Variants in BCOR observed in about 807,000 individuals in gnomAD.
BCOR encodes the protein BCL-6 corepressor.
In BCOR, 10 loss-of-function variants were observed where a neutral mutation model predicts 86.7. That is an observed-to-expected ratio of 0.12 (90% confidence interval 0.07 to 0.20). The LOEUF (loss-of-function observed/expected upper bound fraction) is 0.20, where lower values mean the gene tolerates loss of function less well. BCOR is among the 10% of genes least tolerant of loss of function. The pLI, the probability that BCOR is intolerant of heterozygous loss-of-function variation, is 1.00. For missense variants in BCOR, 1,259 were observed against 1,452.1 expected, an observed-to-expected ratio of 0.87 and a Z score of 2.16; for synonymous variants, 611 against 609.0, an observed-to-expected ratio of 1.00 and a Z score of -0.05.
upstream of BCOR, among the ~76,000 whole-genome samples, chrX:40,102,449 G>A (rs751976400): frequency 1.8e-4 from 21 of 113,928 alleles, no homozygotes; most frequent in South Asian, 6.3e-3. Flanking sequence ...AAGGGCTTAA[G>A]AGCCCTCGAC....
At chrX:40,145,898 G>A (rs959416108) in intron 1 of BCOR, among the ~76,000 whole-genome samples, 1 of 111,694 alleles carries the variant, frequency 9.0e-6, no homozygotes, top group African/African-American at 3.3e-5. Flanking sequence ...TGGCTCCGGG[G>A]TCACCTCGAC....
chrX:40,111,859 T>G (rs1447617851), intron 1 of BCOR, among the ~76,000 whole-genome samples: 1 of 111,548 alleles, frequency 9.0e-6, no homozygotes, highest in Non-Finnish European at 1.9e-5. Context: ...ATGAAACTTA[T>G]CAATATATCT....
chrX:40,110,644 C>CT (rs1569182561), intron 1 of BCOR, among the ~76,000 whole-genome samples: 3 of 43,233 alleles, frequency 6.9e-5, no homozygotes, highest in Admixed American at 2.9e-4. Context: ...CTTTTCTTTT[C>CT]TTTTTTTTCT....
At chrX:40,135,219 T>G (rs1367736740) in intron 1 of BCOR, among the ~76,000 whole-genome samples, 1 of 110,847 alleles carries the variant, frequency 9.0e-6, no homozygotes, top group Non-Finnish European at 1.9e-5. Flanking sequence ...TAGCTTTTAG[T>G]CACACCTCCT....
At chrX:40,135,148 T>C (rs1291626295) in intron 1 of BCOR, among the ~76,000 whole-genome samples, 2 of 111,654 alleles carry the variant, frequency 1.8e-5, no homozygotes, top group African/African-American at 3.3e-5. Context: ...GGCCAGCTCA[T>C]ATACCTTCAT....
At chrX:40,154,982 G>GCA (rs1308004921) in intron 1 of BCOR, among the ~76,000 whole-genome samples, 1 of 111,071 alleles carries the variant, frequency 9.0e-6, no homozygotes, top group African/African-American at 3.3e-5. Context: ...ACACACGCAC[G>GCA]CGCGCGCGCG....
In BCOR at chrX:40,074,203, G is replaced by C; in HGVS notation, c.1143C>G (p.Ser381Arg). Residue 381 changes from serine to arginine, a missense_variant, in exon 4 of 15, where the codon AGC becomes AGG. Physicochemically the swap from Ser to Arg is moderately radical, Grantham distance 110. Transcript: ENST00000378444. ...TGGAGAGCCTGGCCGCGGGGAACTC[G>C]CTGCTAACTGTCATGTATGGCTTTG... ...ALSKPYMTVS[S>R]EFPAARLSNG... 1 of 1,212,135 alleles carries C rather than the reference G, an allele frequency of 8.2e-7. No homozygotes were observed.
intron 6 of BCOR, among the ~76,000 whole-genome samples, chrX:40,066,881 C>T (rs1170903757): frequency 9.4e-6 from 1 of 106,890 alleles, no homozygotes; most frequent in Non-Finnish European, 1.9e-5. Flanking sequence ...GGGGCCCCAC[C>T]CAGAACGAAC....
intron 1 of BCOR, among the ~76,000 whole-genome samples, chrX:40,170,820 A>G (rs1015275972): frequency 2.0e-4 from 23 of 112,277 alleles, no homozygotes; most frequent in African/African-American, 6.8e-4. Context: ...GGTTCCCTTT[A>G]TCTCGAACAT....
chrX:40,135,429 G>A (rs1409027120), intron 1 of BCOR, among the ~76,000 whole-genome samples: 30 of 102,345 alleles, frequency 2.9e-4, no homozygotes, highest in South Asian at 1.3e-3. Flanking sequence ...TCATTCTTTC[G>A]CCCAGGCTGA....
chrX:40,110,352 A>T (rs1937279275), intron 1 of BCOR, among the ~76,000 whole-genome samples: 1 of 111,802 alleles, frequency 8.9e-6, no homozygotes, highest in Non-Finnish European at 1.9e-5. Flanking sequence ...GTCTTTGATT[A>T]AATATACAAT....
chrX:40,059,032 C>A (rs769420828), intron 10 of BCOR, among the ~76,000 whole-genome samples: 1 of 112,062 alleles, frequency 8.9e-6, no homozygotes, highest in East Asian at 2.8e-4. Flanking sequence ...GTCCTATCAA[C>A]CCAGGGTTTA....
Position 40,063,640 on chromosome X carries a change from T to A in BCOR, c.3815A>T (p.Glu1272Val). ...ATTGTCACTGGGTTTAAGAGACTCT[T>A]CCGACCAGCTTCTGTTGCCTTTGGC... ...AEAKGNRSWS[E>V]ESLKPSDNEQ... Residue 1272 changes from glutamate to valine, a missense_variant, in exon 8 of 15, where the codon GAA (glutamate) becomes GTA (valine). By Grantham distance (121) the Glu-to-Val change is moderately radical. Transcript: ENST00000378444. The A allele has an allele frequency of 8.3e-7, 1 of 1,211,699 alleles. No individual in the cohort carries two copies. The highest frequency in any genetic ancestry group is 1.1e-6 in the Non-Finnish European group (1 of 895,363).
chrX:40,063,458 A>C, intron 8 of BCOR, 150 bp downstream of exon 8: 1 of 512,808 alleles, frequency 2.0e-6, no homozygotes, highest in East Asian at 3.3e-5. Context: ...ACGGGCAAGG[A>C]CATCAAGAGA....
chrX:40,068,423 C>T (rs1935307340), intron 6 of BCOR, among the ~76,000 whole-genome samples: 1 of 112,108 alleles, frequency 8.9e-6, no homozygotes, highest in Non-Finnish European at 1.9e-5. Flanking sequence ...TACATAGGGG[C>T]TGCTGTCCTG....
chrX:40,168,061 G>A (rs756362939), intron 1 of BCOR, among the ~76,000 whole-genome samples: 1 of 112,580 alleles, frequency 8.9e-6, no homozygotes, highest in Non-Finnish European at 1.9e-5. Flanking sequence ...TGGCGGCGGC[G>A]GGGCTTTGTC....
At chrX:40,128,055 T>C (rs965491080) in intron 1 of BCOR, among the ~76,000 whole-genome samples, 2 of 105,631 alleles carry the variant, frequency 1.9e-5, no homozygotes, top group African/African-American at 7.0e-5. Context: ...TGAAACCCCA[T>C]CTCTACTAAA....
chrX:40,054,139 T>C, intron 13 of BCOR, 97 bp from the exon 14 acceptor site: 7 of 1,114,379 alleles, frequency 6.3e-6, no homozygotes, highest in Non-Finnish European at 7.4e-6. Context: ...ACAAGATTCT[T>C]TCCCAAGTGA....
Position 40,075,061 on chromosome X carries a change from T to G in BCOR, c.285A>C (p.Gly95=), listed in dbSNP as rs143135906. 1.9e-5 allele frequency: 23 copies of G among 1,203,508 alleles called. No homozygotes were observed. Among genetic ancestry groups the G allele is most frequent in the Non-Finnish European group, 2.4e-5 (21 of 891,526 alleles). The change falls in exon 4 of 15, where the codon GGA becomes GGC. Residue 95 remains glycine (G), a synonymous_variant. Transcript: ENST00000378444. ...PGNIVYSSLC[G]LGSEKGREAA... ...CCTCCCGACCTTTCTCTGAGCCCAG[T>G]CCACACAAGCTAGAATAGACGATGT...
Sources: gnomAD v4.1 joint callset for allele counts (sites outside exome capture counted in the v4.1 genomes callset) on GRCh38, gnomAD v4.1.1 for gene constraint, MANE v1.5 for transcripts, NCBI Gene and HGNC (gene_info 2026-07-23, HGNC 2026-07-21) for gene names.